Variants in SULT1E1 observed in about 807,000 individuals in gnomAD.
SULT1E1 encodes the protein sulfotransferase family 1E member 1, also known as sulfotransferase 1E1.
A neutral mutation model predicts 33.6 loss-of-function variants in SULT1E1; 36 were observed. That is an observed-to-expected ratio of 1.07 (90% CI 0.82 to 1.41). The LOEUF (loss-of-function observed/expected upper bound fraction) is 1.41, where lower values mean the gene tolerates loss of function less well. Among genes scored for constraint, SULT1E1 ranks in the 40% most tolerant of loss-of-function variants. The pLI is 0.00. For synonymous variants in SULT1E1, 121 were observed against 111.7 expected (o/e 1.08, Z -0.53); for missense variants, 371 against 345.7 (o/e 1.07, Z -0.58).
downstream of SULT1E1, among the ~76,000 whole-genome samples, chr4:69,838,074 AG>A (rs1282787989): frequency 2.6e-5 from 4 of 152,168 alleles, no homozygotes; most frequent in African/African-American, 9.7e-5. Context: ...TAAAGTTTAC[AG>A]ACTTTTCTTC....
the SULT1E1 span, among the ~76,000 whole-genome samples, chr4:69,830,211 C>T: frequency 1.7e-3 from 263 of 152,336 alleles, 2 homozygotes; most frequent in African/African-American, 5.8e-3. Context: ...AGGGCTGCTG[C>T]CAGCAAATCA....
intron 4 of SULT1E1, among the ~76,000 whole-genome samples, chr4:69,850,977 T>G (rs1721089404): frequency 6.6e-6 from 1 of 152,152 alleles, no homozygotes. Flanking sequence ...GCATCTCTCT[T>G]GAGTCAAAGT....
chr4:69,856,349 G>C (rs1721235917), intron 2 of SULT1E1, among the ~76,000 whole-genome samples: 1 of 152,168 alleles, frequency 6.6e-6, no homozygotes, highest in Non-Finnish European at 1.5e-5. Flanking sequence ...TTAAGCAGAA[G>C]AGCAAGATTA....
the SULT1E1 span, among the ~76,000 whole-genome samples, chr4:69,834,962 A>G: frequency 1.3e-5 from 2 of 152,146 alleles, no homozygotes; most frequent in Non-Finnish European, 2.9e-5. Flanking sequence ...GCTGCTGAAG[A>G]ATTGTTACCA....
At chr4:69,844,393 C>T (rs1466603212) in intron 6 of SULT1E1, 52 bp from the exon 7 acceptor site, 2 of 1,375,028 alleles carry the variant, frequency 1.5e-6, no homozygotes, top group African/African-American at 1.5e-5. Flanking sequence ...GAATAAATCA[C>T]TATCTAAATG....
At chr4:69,849,694 C>T (rs970317347) in intron 4 of SULT1E1, 131 bp from the exon 5 acceptor site, 6 of 766,224 alleles carry the variant, frequency 7.8e-6, no homozygotes, top group African/African-American at 3.6e-5. Flanking sequence ...ATGCATAAGA[C>T]ATGTACAATT....
the SULT1E1 span, among the ~76,000 whole-genome samples, chr4:69,831,032 C>T: frequency 4.6e-5 from 7 of 152,182 alleles, no homozygotes; most frequent in African/African-American, 1.2e-4. Flanking sequence ...CTAGGCTTTC[C>T]GCCCTAACTT....
At chr4:69,849,648 T>G in intron 4 of SULT1E1, 85 bp from the exon 5 acceptor site, 1 of 1,272,726 alleles carries the variant, frequency 7.9e-7, no homozygotes, top group South Asian at 1.6e-5. Context: ...GATTTACATT[T>G]TCAAATATAA....
downstream of SULT1E1, among the ~76,000 whole-genome samples, chr4:69,838,919 G>C (rs1438146596): frequency 6.6e-6 from 1 of 152,146 alleles, no homozygotes; most frequent in Admixed American, 6.5e-5. Context: ...TACATAAGTA[G>C]GTGAAATTCT....
the SULT1E1 span, among the ~76,000 whole-genome samples, chr4:69,833,164 A>G: frequency 6.6e-6 from 1 of 152,152 alleles, no homozygotes; most frequent in Non-Finnish European, 1.5e-5. Context: ...TAGGCATGAT[A>G]CTTGGTTTCC....
chr4:69,838,318 A>G (rs1358462014), downstream of SULT1E1: 1 of 151,786 alleles, frequency 6.6e-6, no homozygotes, highest in Non-Finnish European at 1.5e-5. Context: ...TGTTTACTTT[A>G]AGCTTCTTTC....
At chr4:69,854,049 G>A (rs756692570) in intron 4 of SULT1E1, among the ~76,000 whole-genome samples, 168 bp downstream of exon 4, 9 of 152,066 alleles carry the variant, frequency 5.9e-5, no homozygotes, top group Middle Eastern at 3.4e-3. Flanking sequence ...AGACAGAGTT[G>A]GAATTAAAAT....
the SULT1E1 span, among the ~76,000 whole-genome samples, chr4:69,824,593 C>T: frequency 6.6e-5 from 10 of 152,136 alleles, no homozygotes; most frequent in Non-Finnish European, 1.2e-4. Flanking sequence ...GGTTCTTGGT[C>T]GGGTGGGGAC....
the SULT1E1 span, among the ~76,000 whole-genome samples, chr4:69,823,734 C>T: frequency 0.76 from 114,993 of 152,060 alleles, 44,789 homozygotes; most frequent in Non-Finnish European, 0.85. Flanking sequence ...ATTTGCCTTT[C>T]GGTCTTTTGC....
chr4:69,830,346 A>G, the SULT1E1 span, among the ~76,000 whole-genome samples: 2 of 152,228 alleles, frequency 1.3e-5, no homozygotes, highest in Admixed American at 6.5e-5. Flanking sequence ...ATCTTCTGCA[A>G]TGTTTACCTA....
chr4:69,840,768 C>T (rs1720864811), downstream of SULT1E1, among the ~76,000 whole-genome samples: 1 of 152,130 alleles, frequency 6.6e-6, no homozygotes, highest in South Asian at 2.1e-4. Flanking sequence ...GAAAATGGGC[C>T]AGGCGCGGTG....
chr4:69,844,207 C>A lies in SULT1E1; in HGVS notation c.726G>T (p.Leu242=). The change falls in exon 7 of 8, where the codon CTG becomes CTT. Residue 242 remains leucine (L), a synonymous_variant. Transcript: ENST00000226444. ...ATTTCTGGTTCATAATTTCGTCTGG[C>A]AGTGTTGTGTAATTTGTGGATGGAT... is the stretch of plus-strand genomic sequence containing the variant. The part of the protein sequence containing the change: ...KNNPSTNYTT[L]PDEIMNQKLS... 6.2e-7 allele frequency: 1 copy of A among 1,613,946 alleles called. No individual in the cohort carries two copies.
the SULT1E1 span, among the ~76,000 whole-genome samples, chr4:69,824,010 T>C: frequency 1.2e-4 from 18 of 152,272 alleles, no homozygotes; most frequent in South Asian, 3.5e-3. Context: ...CACTGACTCA[T>C]TGGGGAGCAA....
chr4:69,824,390 C>T, the SULT1E1 span, among the ~76,000 whole-genome samples: 1 of 152,184 alleles, frequency 6.6e-6, no homozygotes, highest in East Asian at 1.9e-4. Flanking sequence ...TTAGATCTGG[C>T]AGCCCTAAAG....
Sources: gnomAD v4.1 joint callset for allele counts (sites outside exome capture counted in the v4.1 genomes callset) on GRCh38, gnomAD v4.1.1 for gene constraint, MANE v1.5 for transcripts, NCBI Gene and HGNC (gene_info 2026-07-23, HGNC 2026-07-21) for gene names.